Variants in COG5 observed in about 807,000 individuals in gnomAD.
COG5 encodes component of oligomeric golgi complex 5, also known as conserved oligomeric Golgi complex subunit 5.
In COG5, 86 loss-of-function variants were observed where a neutral mutation model predicts 110.4. The ratio of observed to expected loss-of-function variants is 0.78; its 90% CI spans 0.65 to 0.93. COG5 has a LOEUF of 0.93. Ranked by LOEUF, COG5 falls within the 40% of genes least tolerant of loss-of-function variation. The pLI is 0.00. For missense variants in COG5, 1,077 were observed against 987.0 expected (o/e 1.09, Z -1.22); for synonymous variants, 360 against 334.6 (o/e 1.08, Z -0.83).
chr7:107,541,942 A>C (rs1264502353), intron 5 of COG5, among the ~76,000 whole-genome samples: 1 of 151,770 alleles, frequency 6.6e-6, no homozygotes, highest in Admixed American at 6.6e-5. Context: ...AAAAGAAAAA[A>C]AAAAAAAAAC....
intron 16 of COG5, chr7:107,253,298 A>C (rs1333137029): frequency 6.6e-6 from 1 of 152,188 alleles, no homozygotes; most frequent in Non-Finnish European, 1.5e-5. Context: ...GGAAACTGAG[A>C]AAGGAGATTA....
At chr7:107,427,511 C>T (rs1793724648) in intron 6 of COG5, among the ~76,000 whole-genome samples, 1 of 151,928 alleles carries the variant, frequency 6.6e-6, no homozygotes, top group African/African-American at 2.4e-5. Context: ...GAAGTCTTAA[C>T]CCTCAGTACC....
At chr7:107,425,612 A>T (rs1412542260) in intron 6 of COG5, among the ~76,000 whole-genome samples, 2 of 152,124 alleles carry the variant, frequency 1.3e-5, no homozygotes, top group African/African-American at 4.8e-5. Flanking sequence ...TATTAATGGT[A>T]ATTACTAAGG....
intron 19 of COG5, among the ~76,000 whole-genome samples, chr7:107,224,627 T>C (rs1800187768): frequency 6.6e-6 from 1 of 152,228 alleles, no homozygotes; most frequent in African/African-American, 2.4e-5. Flanking sequence ...TTTCTGCCCT[T>C]TGCCTCACAA....
intron 7 of COG5, among the ~76,000 whole-genome samples, chr7:107,379,543 CA>C (rs1296217232): frequency 7.0e-6 from 1 of 142,370 alleles, no homozygotes; most frequent in Non-Finnish European, 1.5e-5. Flanking sequence ...CGTGCAATGA[CA>C]CACACAGGCT....
At chr7:107,447,665 A>G (rs1795088292) in intron 6 of COG5, among the ~76,000 whole-genome samples, 1 of 152,164 alleles carries the variant, frequency 6.6e-6, no homozygotes, top group Non-Finnish European at 1.5e-5. Flanking sequence ...GTCAATAACC[A>G]TATATTATCT....
At chr7:107,286,230 C>G (rs1237980400) in intron 12 of COG5, among the ~76,000 whole-genome samples, 1 of 152,082 alleles carries the variant, frequency 6.6e-6, no homozygotes, top group Non-Finnish European at 1.5e-5. Context: ...GAGGGTAGTA[C>G]AAGATAATAT....
chr7:107,388,328 A>G (rs990236828), intron 7 of COG5, among the ~76,000 whole-genome samples: 6 of 152,220 alleles, frequency 3.9e-5, no homozygotes, highest in Non-Finnish European at 5.9e-5. Context: ...TAGAGAATCA[A>G]CCCGGTATGT....
intron 18 of COG5, 39 bp downstream of exon 18, chr7:107,236,411 C>T (rs1801195267): frequency 1.4e-6 from 2 of 1,441,162 alleles, no homozygotes; most frequent in Non-Finnish European, 2.0e-6. Context: ...GATATTGAGG[C>T]CAAAACATTT....
At position 107,201,741 on chromosome 7, in the gene COG5, GAGA is replaced by G; in HGVS notation, c.*1772_*1774del. The G allele has an allele frequency of 3.4e-6, 1 of 291,908 alleles. No homozygotes were observed. Among genetic ancestry groups the G allele is most frequent in the Non-Finnish European group, 6.3e-6 (1 of 157,760 alleles). The allele number at this position is 291,908 out of a possible 1,614,324, so 18.1% of individuals were successfully genotyped here. On this transcript the variant is annotated 3_prime_UTR_variant, in exon 22 of 22. Transcript: ENST00000297135. Reference sequence around the variant, plus strand: ...GTGCTAAAGTACAGTAGAAAGAGAGGAGAAGTGTATACATGTTTTATTTTAAAT... The same window carrying G: ...GTGCTAAAGTACAGTAGAAAGAGAGGAGTGTATACATGTTTTATTTTAAAT...
chr7:107,283,023 T>C (rs1329613822), intron 13 of COG5, among the ~76,000 whole-genome samples: 1 of 152,194 alleles, frequency 6.6e-6, no homozygotes, highest in African/African-American at 2.4e-5. Flanking sequence ...TAAATAAGTG[T>C]CTAAAGCCAA....
In COG5 at chr7:107,434,661, G is replaced by C. The variant is rs17343806; in HGVS notation, c.539-22029C>G. 3.5e-3 allele frequency among the ~76,000 whole-genome samples: 531 copies of C among 152,104 alleles called. 7 individuals carry two copies. Among genetic ancestry groups the C allele is most frequent in the African/African-American group, 0.011 (475 of 41,516 alleles). On this transcript the variant is annotated intron_variant, in intron 6 of 21. Transcript: ENST00000297135. The stretch of plus-strand genomic sequence containing the variant: ...AAATGTGGCATTATAAACCCAATAG[G>C]ATATTAGCCTTAAAAATGAACAAAA...
At chr7:107,429,686 T>C (rs1430878763) in intron 6 of COG5, among the ~76,000 whole-genome samples, 1 of 152,188 alleles carries the variant, frequency 6.6e-6, no homozygotes, top group African/African-American at 2.4e-5. Context: ...GAGAGGGACC[T>C]GGTGGGAGGT....
At chr7:107,331,615 G>A (rs1252816901) in intron 10 of COG5, among the ~76,000 whole-genome samples, 1 of 152,128 alleles carries the variant, frequency 6.6e-6, no homozygotes, top group African/African-American at 2.4e-5. Context: ...CAGAGTAGTA[G>A]AGTAAGAGTG....
chr7:107,375,406 G>C (rs1409386084), intron 7 of COG5, among the ~76,000 whole-genome samples: 1 of 151,940 alleles, frequency 6.6e-6, no homozygotes, highest in Non-Finnish European at 1.5e-5. Flanking sequence ...AATCATATTA[G>C]TACACTTAGA....
At chr7:107,372,966 C>T (rs748344672) in intron 7 of COG5, among the ~76,000 whole-genome samples, 15 of 151,982 alleles carry the variant, frequency 9.9e-5, no homozygotes, top group Non-Finnish European at 1.9e-4. Flanking sequence ...AAGTTAAATA[C>T]TATGTATATT....
intron 6 of COG5, among the ~76,000 whole-genome samples, chr7:107,475,836 C>T (rs1407310045): frequency 6.6e-6 from 1 of 151,524 alleles, no homozygotes; most frequent in East Asian, 1.9e-4. Context: ...TACCACTATG[C>T]TATGTTTCCT....
intron 7 of COG5, among the ~76,000 whole-genome samples, chr7:107,399,956 G>A (rs974331211): frequency 6.4e-4 from 97 of 152,198 alleles, no homozygotes; most frequent in African/African-American, 2.2e-3. Flanking sequence ...CCTCAACTAC[G>A]GATGTGGAAA....
At chr7:107,519,045 G>C (rs1169715082) in intron 6 of COG5, among the ~76,000 whole-genome samples, 1 of 152,174 alleles carries the variant, frequency 6.6e-6, no homozygotes, top group Non-Finnish European at 1.5e-5. Context: ...GCTCCTAAAT[G>C]ACTCCTGGGT....
Sources: gnomAD v4.1 joint callset for allele counts (sites outside exome capture counted in the v4.1 genomes callset) on GRCh38, gnomAD v4.1.1 for gene constraint, MANE v1.5 for transcripts, NCBI Gene and HGNC (gene_info 2026-07-23, HGNC 2026-07-21) for gene names.